The following WASHC5 variants were observed in gnomAD, a reference collection of about 807,000 sequenced individuals.
The protein encoded by WASHC5 is WASH complex subunit strumpellin.
A neutral mutation model predicts 150.4 loss-of-function variants in WASHC5; 101 were observed. The observed-to-expected ratio is 0.67, with a 90% CI of 0.57 to 0.79. The LOEUF is 0.79. Ranked by LOEUF, WASHC5 falls within the 30% of genes least tolerant of loss-of-function variation. The pLI, the probability that WASHC5 is intolerant of heterozygous loss-of-function variation, is 0.00. For missense variants in WASHC5, 1,195 were observed against 1,396.3 expected (o/e 0.86, Z 2.30); for synonymous variants, 467 against 491.2 (o/e 0.95, Z 0.65).
intron 5 of WASHC5, among the ~76,000 whole-genome samples, chr8:125,080,393 T>G (rs184512743): frequency 6.6e-6 from 1 of 152,314 alleles, no homozygotes; most frequent in Admixed American, 6.5e-5. Flanking sequence ...TTGGTCAAAC[T>G]GACATGAATG....
intron 17 of WASHC5, 71 bp downstream of exon 17, chr8:125,055,520 G>T: frequency 2.2e-6 from 2 of 892,750 alleles, no homozygotes; most frequent in African/African-American, 1.6e-5. Flanking sequence ...TTGCACACAT[G>T]ATAATTACCA....
chr8:125,068,211 C>G (rs1816803974), intron 9 of WASHC5, among the ~76,000 whole-genome samples: 1 of 152,192 alleles, frequency 6.6e-6, no homozygotes, highest in Non-Finnish European at 1.5e-5. Flanking sequence ...TCACGAAGAG[C>G]TGCCATCATT....
chr8:125,081,899 C>T lies in WASHC5; in HGVS notation c.418-138G>A, dbSNP rs2130209854. Reference sequence around the variant, plus strand: ...ATTTCAAGGAAAAGGTAGGTTTCCTCCAAGGAGCTCTTACCTTCTTGCCGA... The same window carrying T: ...ATTTCAAGGAAAAGGTAGGTTTCCTTCAAGGAGCTCTTACCTTCTTGCCGA... On this transcript the variant is annotated intron_variant, in intron 4 of 28. Transcript: ENST00000318410. 4 of 690,242 alleles carry T rather than the reference C, an allele frequency of 5.8e-6. No individual in the cohort carries two copies. The East Asian group carries it at 1.1e-4, about 19-fold the overall frequency. 42.8% of individuals were successfully genotyped at this position (690,242 alleles called of 1,614,324 possible). A position where few individuals can be genotyped will look rare whatever the true frequency, so the allele number is the denominator to read the frequency against.
chr8:125,061,811 G>A (rs906166171), intron 11 of WASHC5, among the ~76,000 whole-genome samples: 4 of 152,188 alleles, frequency 2.6e-5, no homozygotes, highest in Admixed American at 2.6e-4. Flanking sequence ...GTCAGGCAAA[G>A]TTCTAAGTAT....
intron 23 of WASHC5, chr8:125,040,925 T>C (rs1056344499): frequency 6.6e-6 from 1 of 152,198 alleles, no homozygotes; most frequent in African/African-American, 2.4e-5. Context: ...TTTTTGAATG[T>C]ACAAAATAAA....
At chr8:125,079,623 T>A (rs1817190180) in intron 5 of WASHC5, among the ~76,000 whole-genome samples, 1 of 152,228 alleles carries the variant, frequency 6.6e-6, no homozygotes, top group African/African-American at 2.4e-5. Context: ...GTAAGAGTCA[T>A]ATGGCATATA....
intron 9 of WASHC5, among the ~76,000 whole-genome samples, chr8:125,071,349 C>T (rs1049108434): frequency 1.3e-5 from 2 of 152,168 alleles, no homozygotes; most frequent in African/African-American, 4.8e-5. Flanking sequence ...AAGCATTTCT[C>T]ACAATCTGAA....
intron 26 of WASHC5, among the ~76,000 whole-genome samples, chr8:125,033,102 C>G (rs12678891): frequency 6.6e-6 from 1 of 151,938 alleles, no homozygotes. Flanking sequence ...ATGTGGAGAC[C>G]CTGACCTCTG....
chr8:125,066,452 T>C (rs905408320), intron 10 of WASHC5, among the ~76,000 whole-genome samples: 3 of 152,198 alleles, frequency 2.0e-5, no homozygotes, highest in African/African-American at 7.2e-5. Flanking sequence ...CCAGGGATAC[T>C]GGTTATAAAA....
intron 27 of WASHC5, among the ~76,000 whole-genome samples, chr8:125,029,012 C>T (rs566924656): frequency 4.7e-5 from 7 of 149,606 alleles, no homozygotes; most frequent in Middle Eastern, 6.9e-3. Context: ...AGGTCCCATA[C>T]TTTCCCATCC....
In WASHC5 at chr8:125,059,248, T is replaced by TAA; in HGVS notation, c.1736_1737dup (p.Thr580LeufsTer9). On this transcript the variant is annotated frameshift_variant, in exon 14 of 29. Transcript: ENST00000318410. LOFTEE classifies it high-confidence loss of function. Reference sequence around the variant, plus strand: ...TTTAGGAAGGTAGCTCTGAGTTTAGTAACCATGGATGGATTTACCCTTATG... The same window carrying TAA: ...TTTAGGAAGGTAGCTCTGAGTTTAGTAAAACCATGGATGGATTTACCCTTATG... The TAA allele has an allele frequency of 1.2e-6, 2 of 1,613,984 alleles. No homozygotes were observed. Among genetic ancestry groups the TAA allele is most frequent in the Non-Finnish European group, 1.7e-6 (2 of 1,179,826 alleles).
At chr8:125,090,227 T>C (rs1191796687) in intron 1 of WASHC5, among the ~76,000 whole-genome samples, 1 of 152,174 alleles carries the variant, frequency 6.6e-6, no homozygotes, top group African/African-American at 2.4e-5. Flanking sequence ...TTGGCTAGAG[T>C]ATTTGGTAAA....
intron 5 of WASHC5, among the ~76,000 whole-genome samples, chr8:125,081,331 G>A (rs900844152): frequency 6.8e-6 from 1 of 147,016 alleles, no homozygotes. Flanking sequence ...TTCGCCTCCC[G>A]AGTTCAGGCG....
In WASHC5 at chr8:125,081,707, C is replaced by T; in HGVS notation, c.472G>A (p.Glu158Lys). The change falls in exon 5 of 29, where the codon GAA becomes AAA. Residue 158 changes from glutamate (E) to lysine (K), a missense_variant. Glu to Lys is a moderately conservative substitution (Grantham distance 56). This residue lies in a region of WASHC5 where 195 missense variants were observed against 206.9 expected (regional missense o/e 0.94). Transcript: ENST00000318410. ...AGCATCCTCTCTCTGACTTCTCCTT[C>T]AATCTTTTGGTCAATGACCAGTAGC... ...VMLLVIDQKI[E>K]GEVRERMLVS... 1 of 1,612,962 alleles carries T rather than the reference C, an allele frequency of 6.2e-7. No homozygotes were observed. Among genetic ancestry groups the T allele is most frequent in the Non-Finnish European group, 8.5e-7 (1 of 1,179,088 alleles).
intron 17 of WASHC5, among the ~76,000 whole-genome samples, chr8:125,052,613 C>CAT (rs377625196): frequency 0.11 from 16,442 of 149,834 alleles, 2,086 homozygotes; most frequent in African/African-American, 0.31. Flanking sequence ...ACACACTACA[C>CAT]ACACACACAC....
chr8:125,055,508 T>C, intron 17 of WASHC5, 83 bp downstream of exon 17: 1 of 832,488 alleles, frequency 1.2e-6, no homozygotes, highest in Non-Finnish European at 2.1e-6. Flanking sequence ...TGTCACTCCC[T>C]TTTGCACACA....
Position 125,076,477 on chromosome 8 carries a change from C to T in WASHC5, c.735G>A (p.Glu245=). ...YNQVSAYPLP[E]HRSTALANQA... ...GGTTTGCCAGGGCTGTGCTGCGATG[C>T]TCCGGCAAAGGATACGCTGAGACCT... The change falls in exon 7 of 29, where the codon GAG becomes GAA. Residue 245 remains glutamate, a synonymous_variant. Coordinates refer to ENST00000318410, the MANE Select transcript of WASHC5 (RefSeq NM_014846.4). 1.9e-6 allele frequency: 3 copies of T among 1,614,012 alleles called. No homozygotes were observed. The highest frequency in any genetic ancestry group is 2.5e-6 in the Non-Finnish European group (3 of 1,179,984).
Position 125,032,351 on chromosome 8 carries a change from T to C in WASHC5, c.3225A>G (p.Pro1075=), listed in dbSNP as rs34569226. The C allele has an allele frequency of 2.3e-3, 3,734 of 1,614,158 alleles. 63 individuals carry two copies. In the African/African-American group the frequency reaches 0.044, roughly 19 times the overall value. ...GCAGAGTGAGCAGTCCCAGGACAAG[T>C]GGTGGCCAATCAACCGGGTCGGTCG... ...RKPTDPVDWP[P]LVLGLLTLLK... is the part of the protein sequence containing the mutation. Residue 1075 remains proline (P), a synonymous_variant, in exon 27 of 29, where the codon CCA becomes CCG. Transcript: ENST00000318410.
rs1329074377 is a variant in WASHC5 at position 125,073,286 on chromosome 8, A to G, written c.1017T>C (p.Ala339=). 6.2e-7 allele frequency: 1 copy of G among 1,613,908 alleles called. No individual in the cohort carries two copies. Among genetic ancestry groups the G allele is most frequent in the Non-Finnish European group, 8.5e-7 (1 of 1,179,928 alleles). The part of the protein sequence containing the change: ...RYATVSERVH[A]QVQQFLKEGY... ...CTTCTTTTAGAAATTGCTGCACTTG[A>G]GCATGCACTCTTTCACTGACAGTAG... Residue 339 remains alanine, a synonymous_variant, in exon 9 of 29, where the codon GCT becomes GCC. Transcript: ENST00000318410.
Sources: allele counts gnomAD v4.1 joint callset (sites outside exome capture counted in the v4.1 genomes callset), GRCh38; gene constraint gnomAD v4.1.1; regional missense constraint gnomAD v4.1.1; transcripts MANE v1.5; gene names NCBI Gene and HGNC (gene_info 2026-07-23, HGNC 2026-07-21).